Variants in SPECC1L observed in about 807,000 individuals in gnomAD.
SPECC1L encodes sperm antigen with calponin homology and coiled-coil domains 1 like.
Under a neutral mutation model 116.8 loss-of-function variants are expected in SPECC1L, and 40 were observed. That is an observed-to-expected ratio of 0.34 (90% CI 0.27 to 0.45). The LOEUF is 0.45. SPECC1L is among the 20% of genes least tolerant of loss of function. SPECC1L has a pLI of 1.00. For synonymous variants in SPECC1L, 504 were observed against 500.6 expected, an observed-to-expected ratio of 1.01 and a Z score of -0.09; for missense variants, 1,110 against 1,373.6, an observed-to-expected ratio of 0.81 and a Z score of 3.03.
At chr22:24,393,452 C>T (rs2042309134) in intron 14 of SPECC1L, among the ~76,000 whole-genome samples, 2 of 152,190 alleles carry the variant, frequency 1.3e-5, no homozygotes, top group African/African-American at 4.8e-5. Flanking sequence ...CCCTGGAACA[C>T]ACAAGATGAC....
rs2042782669 is a variant in SPECC1L, at chr22:24,415,343, A to G, written c.*720A>G. Reference sequence around the variant, plus strand: ...GGGGGCCCCTTGCCTGGACTCAGCGACCTGTCTTCCAGCCTGGAAGGGGTT... The same window carrying G: ...GGGGGCCCCTTGCCTGGACTCAGCGGCCTGTCTTCCAGCCTGGAAGGGGTT... On this transcript the variant is annotated 3_prime_UTR_variant, in exon 17 of 17. Coordinates refer to ENST00000314328, the MANE Select transcript of SPECC1L (RefSeq NM_015330.6). 6.6e-6 allele frequency: 1 copy of G among 152,644 alleles called. No individual in the cohort carries two copies. Among genetic ancestry groups the G allele is most frequent in the Non-Finnish European group, 1.5e-5 (1 of 68,236 alleles). 9.5% of individuals were successfully genotyped at this position (152,644 alleles called of 1,614,324 possible).
chr22:24,371,814 C>T (rs575890169), intron 14 of SPECC1L, among the ~76,000 whole-genome samples: 6 of 152,288 alleles, frequency 3.9e-5, no homozygotes, highest in African/African-American at 9.6e-5. Flanking sequence ...CTCCGGCTCC[C>T]GGGCTCAAGT....
intron 11 of SPECC1L, among the ~76,000 whole-genome samples, chr22:24,356,361 C>G (rs139404639): frequency 1.3e-5 from 2 of 152,240 alleles, no homozygotes; most frequent in African/African-American, 4.8e-5. Flanking sequence ...TTGGTAGATG[C>G]ATACCCATTT....
chr22:24,343,584 C>G (rs2041226150), intron 10 of SPECC1L: 1 of 382,778 alleles, frequency 2.6e-6, no homozygotes, highest in Non-Finnish European at 5.1e-6. Context: ...CCTCAGCCCC[C>G]TGAGTAGCTG....
intron 2 of SPECC1L, among the ~76,000 whole-genome samples, chr22:24,288,804 T>A (rs2146359887): frequency 6.6e-6 from 1 of 152,072 alleles, no homozygotes; most frequent in Non-Finnish European, 1.5e-5. Context: ...TTTTGTACTT[T>A]TAGTAGAGAC....
chr22:24,318,198 G>A (rs901027047), intron 4 of SPECC1L, among the ~76,000 whole-genome samples: 2 of 152,340 alleles, frequency 1.3e-5, no homozygotes, highest in African/African-American at 4.8e-5. Flanking sequence ...GTAGCAAGTC[G>A]AGATCACGCC....
At chr22:24,388,294 C>T (rs1432086493) in intron 14 of SPECC1L, among the ~76,000 whole-genome samples, 2 of 138,120 alleles carry the variant, frequency 1.4e-5, no homozygotes, top group Admixed American at 1.6e-4. Flanking sequence ...CATGTGTTCT[C>T]ATTGTTCAAT....
At chr22:24,359,148 T>C (rs529767739) in intron 11 of SPECC1L, among the ~76,000 whole-genome samples, 11 of 152,072 alleles carry the variant, frequency 7.2e-5, no homozygotes, top group African/African-American at 2.7e-4. Context: ...CTATACTTTC[T>C]TCCTTACTCT....
intron 10 of SPECC1L, among the ~76,000 whole-genome samples, chr22:24,342,408 C>T (rs768763199): frequency 6.6e-6 from 1 of 152,156 alleles, no homozygotes; most frequent in Non-Finnish European, 1.5e-5. Context: ...TGGTGACTCA[C>T]GCCTGTAATC....
At chr22:24,287,093 G>A (rs1275167259) in intron 2 of SPECC1L, among the ~76,000 whole-genome samples, 1 of 152,180 alleles carries the variant, frequency 6.6e-6, no homozygotes, top group Non-Finnish European at 1.5e-5. Context: ...TAAGGACACG[G>A]CAGTGGAGCT....
chr22:24,289,913 A>G (rs1313537756), intron 2 of SPECC1L, among the ~76,000 whole-genome samples: 2 of 152,170 alleles, frequency 1.3e-5, no homozygotes, highest in Admixed American at 1.3e-4. Flanking sequence ...TTAAACGACA[A>G]TGGCAACATC....
intron 13 of SPECC1L, among the ~76,000 whole-genome samples, chr22:24,368,626 A>T (rs751749203): frequency 3.9e-5 from 6 of 152,126 alleles, no homozygotes; most frequent in Non-Finnish European, 4.4e-5. Context: ...ATGAGATGGT[A>T]AAGGACATAA....
In SPECC1L at chr22:24,322,244, G is replaced by A. The variant is rs776965771; in HGVS notation, c.1264G>A (p.Ala422Thr). 2 of 1,614,122 alleles carry A rather than the reference G, an allele frequency of 1.2e-6. No homozygotes were observed. Among genetic ancestry groups the A allele is most frequent in the South Asian group, 2.2e-5 (2 of 91,090 alleles). Residue 422 changes from alanine to threonine, a missense_variant, in exon 5 of 17, where the codon GCT becomes ACT. Physicochemically the swap from Ala to Thr is moderately conservative, Grantham distance 58. Around this residue, in one of 4 missense-constraint regions of SPECC1L, gnomAD observed 22 missense variants for 60.1 expected, o/e 0.37. Transcript: ENST00000314328. The part of the protein sequence containing the change: ...EELQATLQEL[A>T]DLQQITQELN... ...ACTCCAGGCAACCCTGCAAGAGCTA[G>A]CTGATTTACAGCAGATTACCCAGGA...
chr22:24,295,672 C>T (rs1350284924), intron 2 of SPECC1L, among the ~76,000 whole-genome samples: 2 of 152,116 alleles, frequency 1.3e-5, no homozygotes, highest in African/African-American at 4.8e-5. Flanking sequence ...CCAGCACGGG[C>T]CCGGCGCGGT....
At chr22:24,307,228 T>A (rs937375488) in intron 3 of SPECC1L, among the ~76,000 whole-genome samples, 8 of 152,254 alleles carry the variant, frequency 5.3e-5, no homozygotes, top group Non-Finnish European at 1.5e-5. Flanking sequence ...AGGAACTGCC[T>A]ATTGTTTCTC....
intron 14 of SPECC1L, among the ~76,000 whole-genome samples, chr22:24,402,148 C>CTTCCCCTTCCTTCCCCTTCA (rs1405986024): frequency 6.8e-6 from 1 of 146,278 alleles, no homozygotes; most frequent in African/African-American, 2.5e-5. Context: ...CTTCCCCTTC[C>CTTCCCCTTCCTTCCCCTTCA]CTCCCCTTCC....
At chr22:24,375,967 AAAC>A (rs1344237395) in intron 14 of SPECC1L, among the ~76,000 whole-genome samples, 3 of 150,758 alleles carry the variant, frequency 2.0e-5, no homozygotes, top group African/African-American at 5.0e-5. Flanking sequence ...ACAAACAAAC[AAAC>A]AAAAAAAACA....
chr22:24,288,527 A>G (rs1202032083), intron 2 of SPECC1L, among the ~76,000 whole-genome samples: 1 of 151,920 alleles, frequency 6.6e-6, no homozygotes, highest in Non-Finnish European at 1.5e-5. Flanking sequence ...TGCTTGTTGA[A>G]AAAAAGACTT....
intron 14 of SPECC1L, among the ~76,000 whole-genome samples, chr22:24,387,403 T>C (rs1302457945): frequency 1.3e-5 from 2 of 152,204 alleles, no homozygotes; most frequent in Admixed American, 1.3e-4. Context: ...AACTGAGGGA[T>C]CCTTTCTGGG....
Sources: allele counts gnomAD v4.1 joint callset (sites outside exome capture counted in the v4.1 genomes callset), GRCh38; gene constraint gnomAD v4.1.1; regional missense constraint gnomAD v4.1.1; transcripts MANE v1.5; gene names NCBI Gene and HGNC (gene_info 2026-07-23, HGNC 2026-07-21).